The following KHDRBS2 variants were observed in gnomAD, a reference collection of about 807,000 sequenced individuals.
KHDRBS2 encodes KH domain-containing, RNA-binding, signal transduction-associated protein 2.
Under a neutral mutation model 44.3 loss-of-function variants are expected in KHDRBS2, and 26 were observed. The ratio of observed to expected loss-of-function variants is 0.59; its 90% CI spans 0.43 to 0.81. KHDRBS2 has a LOEUF of 0.81. Ranked by LOEUF, KHDRBS2 falls within the 40% of genes least tolerant of loss-of-function variation. The probability of loss-of-function intolerance (pLI) is 0.00; values close to 1 mark genes in which losing one functional copy is unlikely to be tolerated. For missense variants in KHDRBS2, 476 were observed against 433.1 expected, an observed-to-expected ratio of 1.10 and a Z score of -0.88; for synonymous variants, 194 against 151.1, an observed-to-expected ratio of 1.28 and a Z score of -2.08.
chr6:61,722,454 T>A (rs914520467), intron 7 of KHDRBS2, among the ~76,000 whole-genome samples: 3 of 152,184 alleles, frequency 2.0e-5, no homozygotes, highest in African/African-American at 7.2e-5. Context: ...GAGGATGATA[T>A]AATTATTCCA....
At chr6:62,180,111 A>C (rs1034904737) in intron 1 of KHDRBS2, among the ~76,000 whole-genome samples, 4 of 151,974 alleles carry the variant, frequency 2.6e-5, no homozygotes, top group South Asian at 2.1e-4. Flanking sequence ...CAGAAAACCA[A>C]ACACTACATG....
At chr6:61,879,714 G>A (rs1431364365) in intron 6 of KHDRBS2, among the ~76,000 whole-genome samples, 6 of 151,760 alleles carry the variant, frequency 4.0e-5, no homozygotes, top group Admixed American at 2.6e-4. Flanking sequence ...CTAACTGTAT[G>A]TACTATATAA....
At chr6:62,055,584 A>G (rs1049067524) in intron 2 of KHDRBS2, among the ~76,000 whole-genome samples, 3 of 152,000 alleles carry the variant, frequency 2.0e-5, no homozygotes, top group African/African-American at 7.2e-5. Flanking sequence ...CATCCAGAGA[A>G]ATCTTGGCAC....
the KHDRBS2 span, among the ~76,000 whole-genome samples, chr6:61,589,384 A>G: frequency 6.6e-6 from 1 of 152,232 alleles, no homozygotes; most frequent in African/African-American, 2.4e-5. Flanking sequence ...TTTGGGAGAC[A>G]GCTTGCCTAT....
chr6:61,766,866 T>C (rs932153578), intron 6 of KHDRBS2, among the ~76,000 whole-genome samples: 7 of 152,084 alleles, frequency 4.6e-5, no homozygotes, highest in African/African-American at 1.7e-4. Context: ...TTAAAACTTG[T>C]TTTGTGTCCT....
intron 6 of KHDRBS2, among the ~76,000 whole-genome samples, chr6:61,821,674 C>A (rs185675817): frequency 7.2e-5 from 11 of 151,918 alleles, no homozygotes; most frequent in Non-Finnish European, 1.6e-4. Flanking sequence ...CATTTTACTG[C>A]TGCAATAAAG....
intron 2 of KHDRBS2, among the ~76,000 whole-genome samples, chr6:62,079,323 G>T (rs1318680959): frequency 6.6e-6 from 1 of 151,838 alleles, no homozygotes; most frequent in Non-Finnish European, 1.5e-5. Flanking sequence ...AAAGATGGCT[G>T]TATTTAACAT....
At chr6:62,158,909 C>A (rs1252193879) in intron 2 of KHDRBS2, among the ~76,000 whole-genome samples, 2 of 152,018 alleles carry the variant, frequency 1.3e-5, no homozygotes. Flanking sequence ...CAAAGTTTCT[C>A]AATCCAGCCT....
chr6:61,573,226 CA>C, the KHDRBS2 span, among the ~76,000 whole-genome samples: 1 of 151,616 alleles, frequency 6.6e-6, no homozygotes. Flanking sequence ...ACAACAGCTG[CA>C]AAAAAATAAA....
the KHDRBS2 span, among the ~76,000 whole-genome samples, chr6:61,649,725 C>A: frequency 6.6e-6 from 1 of 152,142 alleles, no homozygotes; most frequent in Non-Finnish European, 1.5e-5. Flanking sequence ...TCTTTCATTT[C>A]TACCTCCTAA....
intron 1 of KHDRBS2, among the ~76,000 whole-genome samples, chr6:62,211,995 T>A (rs1585225603): frequency 6.6e-6 from 1 of 152,186 alleles, no homozygotes; most frequent in South Asian, 2.1e-4. Flanking sequence ...AATGAGATCA[T>A]GTCCTTTGCA....
chr6:61,781,236 T>C lies in KHDRBS2; in HGVS notation c.811-48472A>G, dbSNP rs148634951. ...ATTTTAAGACAGATGTGATTATAAT[T>C]TAGCATCCCAGTAACTCTCAACTCC... is the stretch of plus-strand genomic sequence containing the variant. On this transcript the variant is annotated intron_variant, in intron 6 of 8. Transcript: ENST00000281156. 1.3e-3 allele frequency among the ~76,000 whole-genome samples: 201 copies of C among 152,254 alleles called. 1 individual carries two copies. Among genetic ancestry groups the C allele is most frequent in the Non-Finnish European group, 1.1e-3 (75 of 68,020 alleles).
intron 6 of KHDRBS2, among the ~76,000 whole-genome samples, chr6:61,792,415 A>C (rs571987003): frequency 1.3e-5 from 2 of 151,774 alleles, no homozygotes; most frequent in South Asian, 2.1e-4. Flanking sequence ...CATAATTTCC[A>C]CTTGATATCA....
At chr6:61,856,712 C>T (rs1480244112) in intron 6 of KHDRBS2, among the ~76,000 whole-genome samples, 1 of 151,874 alleles carries the variant, frequency 6.6e-6, no homozygotes, top group Non-Finnish European at 1.5e-5. Flanking sequence ...TTTGTAAAAC[C>T]GTCATAGCCT....
At chr6:61,911,383 TA>T (rs1360067002) in intron 4 of KHDRBS2, among the ~76,000 whole-genome samples, 2 of 152,102 alleles carry the variant, frequency 1.3e-5, no homozygotes, top group African/African-American at 4.8e-5. Flanking sequence ...CCAGGGGAGT[TA>T]AAGTGCATGT....
intron 2 of KHDRBS2, among the ~76,000 whole-genome samples, chr6:62,122,011 C>A (rs1297157253): frequency 6.6e-6 from 1 of 151,906 alleles, no homozygotes; most frequent in East Asian, 1.9e-4. Context: ...TTGGAGGCAA[C>A]ATATTCTTCA....
At chr6:61,691,290 T>C (rs1316849251) in intron 8 of KHDRBS2, among the ~76,000 whole-genome samples, 1 of 152,120 alleles carries the variant, frequency 6.6e-6, no homozygotes, top group Non-Finnish European at 1.5e-5. Flanking sequence ...TTTTTCATTG[T>C]TTCTTGCCTA....
rs138473898 is a variant in KHDRBS2, at chr6:62,176,912, T to C, written c.219+273A>G. Among the ~76,000 whole-genome samples the C allele has an allele frequency of 2.5e-3, 383 of 151,390 alleles. 3 individuals are homozygous for C. The highest frequency in any genetic ancestry group is 8.5e-3 in the African/African-American group (351 of 41,474). ...AAGTGGGTGTACATATTTGGAAAAA[T>C]TGATATATCATTTATATTTTGAATA... On this transcript the variant is annotated intron_variant, in intron 2 of 8. Transcript: ENST00000281156.
Position 61,869,146 on chromosome 6 carries a change from T to C in KHDRBS2, c.810+25489A>G, listed in dbSNP as rs1417984866. On this transcript the variant is annotated intron_variant, in intron 6 of 8. Transcript: ENST00000281156. The stretch of plus-strand genomic sequence containing the variant: ...CACCCTGCCCTGCTTTTCTCCATAC[T>C]CCATGGGTCAAGTTGTTTTCCTGAT... Among the ~76,000 whole-genome samples, 3 of 152,146 alleles carry C rather than the reference T, an allele frequency of 2.0e-5. No homozygotes were observed. In the East Asian group the frequency reaches 5.8e-4, roughly 29 times the overall value.
Sources: allele counts gnomAD v4.1 joint callset (sites outside exome capture counted in the v4.1 genomes callset), GRCh38; gene constraint gnomAD v4.1.1; transcripts MANE v1.5; gene names NCBI Gene and HGNC (gene_info 2026-07-23, HGNC 2026-07-21).